MYRIP: variants seen among roughly 807,000 people sequenced by gnomAD.
MYRIP encodes myosin VIIA and Rab interacting protein.
In MYRIP, 49 loss-of-function variants were observed where a neutral mutation model predicts 98.0. The ratio of observed to expected loss-of-function variants is 0.50; its 90% CI spans 0.40 to 0.63. The LOEUF (loss-of-function observed/expected upper bound fraction) is 0.63. MYRIP is among the 30% of genes least tolerant of loss of function. The pLI, the probability that MYRIP is intolerant of heterozygous loss-of-function variation, is 0.00. For synonymous variants in MYRIP, 404 were observed against 409.5 expected (o/e 0.99, Z 0.16); for missense variants, 1,004 against 1,058.2 (o/e 0.95, Z 0.71).
chr3:40,216,860 C>T (rs773844591), intron 11 of MYRIP, among the ~76,000 whole-genome samples: 16 of 152,104 alleles, frequency 1.1e-4, no homozygotes, highest in Non-Finnish European at 1.8e-4. Flanking sequence ...CATTTTACTA[C>T]TGATCAAAGA....
At chr3:39,927,323 T>A (rs1944439950) in intron 2 of MYRIP, among the ~76,000 whole-genome samples, 1 of 152,062 alleles carries the variant, frequency 6.6e-6, no homozygotes, top group South Asian at 2.1e-4. Flanking sequence ...TATTTGCTTC[T>A]CTTGCCTGAT....
chr3:40,039,660 G>A (rs550669045), intron 2 of MYRIP, among the ~76,000 whole-genome samples: 2 of 151,880 alleles, frequency 1.3e-5, no homozygotes, highest in Non-Finnish European at 2.9e-5. Context: ...AAGAGGTTAC[G>A]ACTATAAGAG....
At chr3:40,067,768 C>T (rs1452698279) in intron 3 of MYRIP, among the ~76,000 whole-genome samples, 2 of 143,846 alleles carry the variant, frequency 1.4e-5, no homozygotes, top group Non-Finnish European at 3.1e-5. Flanking sequence ...GAGATGGTAA[C>T]ATTTTCAATG....
At chr3:39,831,713 C>A (rs1235480123) in intron 1 of MYRIP, among the ~76,000 whole-genome samples, 1 of 152,064 alleles carries the variant, frequency 6.6e-6, no homozygotes, top group Non-Finnish European at 1.5e-5. Context: ...CATATATTTA[C>A]ACATTTCTAA....
At chr3:40,155,315 A>G (rs552588243) in intron 4 of MYRIP, among the ~76,000 whole-genome samples, 1 of 151,856 alleles carries the variant, frequency 6.6e-6, no homozygotes, top group South Asian at 2.1e-4. Context: ...TACAAAGGAC[A>G]TGAACTCATC....
At chr3:40,038,521 G>A (rs1947433943) in intron 2 of MYRIP, among the ~76,000 whole-genome samples, 1 of 151,710 alleles carries the variant, frequency 6.6e-6, no homozygotes, top group African/African-American at 2.4e-5. Flanking sequence ...ACTGAACAAG[G>A]GACAAATAAA....
At chr3:40,046,172 T>C (rs1947664668) in intron 3 of MYRIP, among the ~76,000 whole-genome samples, 1 of 152,030 alleles carries the variant, frequency 6.6e-6, no homozygotes, top group African/African-American at 2.4e-5. Context: ...GACAAGTTTT[T>C]CTGAAATGAG....
intron 4 of MYRIP, 97 bp downstream of exon 4, chr3:40,151,281 A>C: frequency 7.5e-7 from 1 of 1,327,980 alleles, no homozygotes; most frequent in Non-Finnish European, 1.0e-6. Flanking sequence ...CTCACCTGGG[A>C]CAGATAAATT....
chr3:39,824,055 T>C (rs13320002), intron 1 of MYRIP, among the ~76,000 whole-genome samples: 30,071 of 152,092 alleles, frequency 0.2, 3,076 homozygotes, highest in South Asian at 0.29. Flanking sequence ...GGAGGTATAG[T>C]TTCATTCCTC....
intron 3 of MYRIP, among the ~76,000 whole-genome samples, chr3:40,076,661 C>T (rs899281484): frequency 6.6e-6 from 1 of 152,230 alleles, no homozygotes; most frequent in African/African-American, 2.4e-5. Flanking sequence ...ATCATATGTG[C>T]TCCCATTCCA....
chr3:40,094,864 G>T (rs1488888895), intron 3 of MYRIP, among the ~76,000 whole-genome samples: 2 of 152,206 alleles, frequency 1.3e-5, no homozygotes, highest in Non-Finnish European at 2.9e-5. Context: ...TGCAGTTTCA[G>T]ACTTCTTACA....
At chr3:39,911,968 G>T (rs916068877) in intron 2 of MYRIP, among the ~76,000 whole-genome samples, 1 of 152,152 alleles carries the variant, frequency 6.6e-6, no homozygotes, top group Non-Finnish European at 1.5e-5. Context: ...TGACTGTCAG[G>T]GTGACTTATA....
intron 2 of MYRIP, among the ~76,000 whole-genome samples, chr3:40,040,683 C>T (rs1947491701): frequency 1.5e-5 from 1 of 65,526 alleles, no homozygotes; most frequent in Non-Finnish European, 2.9e-5. Flanking sequence ...TTTGTAGGGA[C>T]ATGGATGAAA....
chr3:40,203,982 TAA>T (rs1195011087), intron 10 of MYRIP, among the ~76,000 whole-genome samples: 3 of 1,724 alleles, frequency 1.7e-3, no homozygotes, highest in Non-Finnish European at 2.4e-3. Flanking sequence ...ATATTATATA[TAA>T]TATATATTAT....
intron 3 of MYRIP, among the ~76,000 whole-genome samples, chr3:40,116,801 C>T (rs948822458): frequency 6.6e-5 from 10 of 152,278 alleles, no homozygotes; most frequent in South Asian, 4.2e-4. Flanking sequence ...TCCCAAAAAC[C>T]GTTAAAATGA....
At chr3:39,870,533 T>G (rs5006751) in intron 1 of MYRIP, among the ~76,000 whole-genome samples, 24,501 of 152,082 alleles carry the variant, frequency 0.16, 2,011 homozygotes, top group Middle Eastern at 0.19. Flanking sequence ...TTTCTTTTTT[T>G]TTGGGTTTTA....
intron 2 of MYRIP, among the ~76,000 whole-genome samples, chr3:40,032,239 G>A (rs983419423): frequency 2.6e-5 from 4 of 151,948 alleles, no homozygotes; most frequent in East Asian, 3.9e-4. Flanking sequence ...TCTTCATTTC[G>A]TTATGTACCC....
intron 3 of MYRIP, among the ~76,000 whole-genome samples, chr3:40,143,226 A>G (rs1199481157): frequency 6.6e-6 from 1 of 152,226 alleles, no homozygotes; most frequent in Non-Finnish European, 1.5e-5. Context: ...GAGTGAATGA[A>G]CAAATAAATG....
chr3:40,053,700 A>AAACAGCCTGAGCC (rs1336688197), intron 3 of MYRIP, among the ~76,000 whole-genome samples: 1 of 152,122 alleles, frequency 6.6e-6, no homozygotes, highest in Non-Finnish European at 1.5e-5. Flanking sequence ...ATCCTCAGGA[A>AAACAGCCTGAGCC]AACAGCCTGA....
Sources: allele counts gnomAD v4.1 joint callset (sites outside exome capture counted in the v4.1 genomes callset), GRCh38; gene constraint gnomAD v4.1.1; transcripts MANE v1.5; gene names NCBI Gene and HGNC (gene_info 2026-07-23, HGNC 2026-07-21).